Variants in UNC13C observed in about 807,000 individuals in gnomAD.
The protein encoded by UNC13C is unc-13 homolog C.
Under a neutral mutation model 245.4 loss-of-function variants are expected in UNC13C, and 174 were observed. The ratio of observed to expected loss-of-function variants is 0.71; its 90% CI spans 0.63 to 0.80. The LOEUF (loss-of-function observed/expected upper bound fraction) is 0.80, where lower values mean the gene tolerates loss of function less well. Among genes scored for constraint, UNC13C ranks in the 30% least tolerant of loss-of-function variants. UNC13C has a pLI of 0.00. For missense variants in UNC13C, 2,829 were observed against 2,602.9 expected, an observed-to-expected ratio of 1.09 and a Z score of -1.89; for synonymous variants, 992 against 895.1, an observed-to-expected ratio of 1.11 and a Z score of -1.93.
the UNC13C span, among the ~76,000 whole-genome samples, chr15:53,885,781 C>T: frequency 2.0e-5 from 3 of 152,146 alleles, no homozygotes; most frequent in African/African-American, 7.2e-5. Context: ...AACAACCTCA[C>T]TGAAGGGAGT....
intron 2 of UNC13C, among the ~76,000 whole-genome samples, chr15:54,099,641 C>G (rs1166245185): frequency 6.6e-6 from 1 of 152,078 alleles, no homozygotes; most frequent in Non-Finnish European, 1.5e-5. Flanking sequence ...ATTCCTAAAC[C>G]TAAGTGCATC....
chr15:54,188,392 A>G (rs990926596), intron 4 of UNC13C, among the ~76,000 whole-genome samples: 2 of 152,142 alleles, frequency 1.3e-5, no homozygotes, highest in Admixed American at 6.5e-5. Context: ...AATAATAATT[A>G]TATAAAGAAT....
chr15:54,624,591 A>C (rs983930661), intron 32 of UNC13C, among the ~76,000 whole-genome samples: 3 of 152,168 alleles, frequency 2.0e-5, no homozygotes, highest in African/African-American at 7.2e-5. Flanking sequence ...TGAGATTTAC[A>C]TCTTTATTTT....
chr15:53,845,152 C>T, the UNC13C span, among the ~76,000 whole-genome samples: 102 of 151,898 alleles, frequency 6.7e-4, 4 homozygotes, highest in South Asian at 0.019. Context: ...AGTGAAACCT[C>T]GTCTCTACTA....
At chr15:54,209,567 A>G (rs1469639713) in intron 4 of UNC13C, among the ~76,000 whole-genome samples, 1 of 151,908 alleles carries the variant, frequency 6.6e-6, no homozygotes, top group South Asian at 2.1e-4. Flanking sequence ...ACAGGCCACC[A>G]TCTCTAGCTA....
At chr15:54,046,647 C>CT (rs148794718) in intron 2 of UNC13C, among the ~76,000 whole-genome samples, 49 of 151,540 alleles carry the variant, frequency 3.2e-4, no homozygotes, top group South Asian at 8.3e-4. Context: ...AACATAGACA[C>CT]TTTTTTTTAC....
intron 8 of UNC13C, among the ~76,000 whole-genome samples, chr15:54,256,980 G>T (rs897191010): frequency 2.4e-4 from 36 of 152,142 alleles, no homozygotes; most frequent in Admixed American, 5.9e-4. Flanking sequence ...TTACGTCCAA[G>T]GAAAGAACAA....
chr15:54,172,331 T>C (rs1297570471), intron 4 of UNC13C, among the ~76,000 whole-genome samples: 1 of 151,988 alleles, frequency 6.6e-6, no homozygotes, highest in Non-Finnish European at 1.5e-5. Context: ...GTGATTATTA[T>C]GTATTGCATG....
intron 28 of UNC13C, among the ~76,000 whole-genome samples, chr15:54,549,967 T>C (rs116513278): frequency 2.4e-3 from 362 of 152,294 alleles, no homozygotes; most frequent in African/African-American, 8.4e-3. Context: ...CAGTGAAGTC[T>C]AGAGAAGTCT....
At chr15:54,614,671 G>A (rs1343944109) in intron 30 of UNC13C, among the ~76,000 whole-genome samples, 1 of 151,944 alleles carries the variant, frequency 6.6e-6, no homozygotes, top group East Asian at 1.9e-4. Flanking sequence ...ACTAGGTATT[G>A]TGTAATTTTT....
At chr15:54,100,336 A>T (rs926392054) in intron 2 of UNC13C, among the ~76,000 whole-genome samples, 2 of 152,152 alleles carry the variant, frequency 1.3e-5, no homozygotes, top group Non-Finnish European at 2.9e-5. Context: ...TTTTCACAGC[A>T]TAACTGGTTA....
intron 10 of UNC13C, among the ~76,000 whole-genome samples, chr15:54,279,219 A>G (rs1596134183): frequency 1.3e-5 from 2 of 152,308 alleles, no homozygotes; most frequent in Middle Eastern, 3.4e-3. Flanking sequence ...CACATCTAGC[A>G]AAAGAGCCCA....
intron 4 of UNC13C, among the ~76,000 whole-genome samples, chr15:54,179,759 G>T (rs1190909784): frequency 6.6e-6 from 1 of 151,864 alleles, no homozygotes; most frequent in Non-Finnish European, 1.5e-5. Flanking sequence ...TGTTCCAAAA[G>T]TAATAAATGG....
chr15:54,168,676 A>G (rs1308116646), intron 4 of UNC13C, among the ~76,000 whole-genome samples: 1 of 152,194 alleles, frequency 6.6e-6, no homozygotes, highest in Non-Finnish European at 1.5e-5. Context: ...GTATAACACA[A>G]CGCGTCTGTT....
At chr15:53,900,079 A>G in the UNC13C span, among the ~76,000 whole-genome samples, 1 of 152,206 alleles carries the variant, frequency 6.6e-6, no homozygotes, top group African/African-American at 2.4e-5. Flanking sequence ...TCAAGCCTGA[A>G]TCCTACTATT....
At chr15:54,326,049 G>T (rs2038290847) in intron 14 of UNC13C, among the ~76,000 whole-genome samples, 1 of 152,030 alleles carries the variant, frequency 6.6e-6, no homozygotes, top group South Asian at 2.1e-4. Flanking sequence ...GTGCAGTCAT[G>T]AGGGCAGAAG....
At chr15:54,051,352 CATT>C (rs1204672739) in intron 2 of UNC13C, among the ~76,000 whole-genome samples, 1 of 152,078 alleles carries the variant, frequency 6.6e-6, no homozygotes. Context: ...TCTTGACACT[CATT>C]ATTTAAAAAG....
At chr15:54,442,293 C>G (rs995043062) in intron 19 of UNC13C, among the ~76,000 whole-genome samples, 3 of 150,064 alleles carry the variant, frequency 2.0e-5, no homozygotes, top group Non-Finnish European at 4.4e-5. Flanking sequence ...CTCTGTTGCC[C>G]AGGCTGGAGT....
chr15:54,223,182 T>C (rs1596034076), intron 4 of UNC13C, among the ~76,000 whole-genome samples: 2 of 152,112 alleles, frequency 1.3e-5, no homozygotes, highest in East Asian at 1.9e-4. Flanking sequence ...ACCAATGTCC[T>C]TGAGAGTTTC....
Sources: allele counts gnomAD v4.1 joint callset (sites outside exome capture counted in the v4.1 genomes callset), GRCh38; gene constraint gnomAD v4.1.1; transcripts MANE v1.5; gene names NCBI Gene and HGNC (gene_info 2026-07-23, HGNC 2026-07-21).